The following ZNF469 variants were observed in gnomAD, a reference collection of about 807,000 sequenced individuals.
The protein encoded by ZNF469 is zinc finger protein 469.
In ZNF469, 1 loss-of-function variant was observed where a neutral mutation model predicts 1.0. The ratio of observed to expected loss-of-function variants is 1.00; its 90% CI spans 0.35 to 4.73. The LOEUF (loss-of-function observed/expected upper bound fraction) is 4.73. ZNF469 is among the 30% of genes most tolerant of loss of function. The pLI is 0.16. For missense variants in ZNF469, 6,100 were observed against 5,356.3 expected, an observed-to-expected ratio of 1.14 and a Z score of -4.33; for synonymous variants, 2,703 against 2,363.4, an observed-to-expected ratio of 1.14 and a Z score of -4.17.
the ZNF469 span, among the ~76,000 whole-genome samples, chr16:88,261,090 C>T: frequency 6.6e-6 from 1 of 152,078 alleles, no homozygotes; most frequent in Non-Finnish European, 1.5e-5. This position sits in a 1 kb window ranked among gnomAD's most constrained non-coding sequence, Gnocchi z 6.0. Flanking sequence ...GGGATGCGGT[C>T]CGGAGAGGCT....
At chr16:88,373,134 G>GTGTCAACC in the ZNF469 span, among the ~76,000 whole-genome samples, 1 of 152,322 alleles carries the variant, frequency 6.6e-6, no homozygotes, top group South Asian at 2.1e-4. Context: ...AATGTTTGAG[G>GTGTCAACC]TGTCAACCTC....
the ZNF469 span, among the ~76,000 whole-genome samples, chr16:88,234,475 G>A: frequency 1.3e-5 from 2 of 152,224 alleles, no homozygotes; most frequent in Non-Finnish European, 2.9e-5. Flanking sequence ...ACCAGAGCCG[G>A]AGCTGGGCTA....
At position 88,433,875 on chromosome 16, in the gene ZNF469, A is replaced by G; in HGVS notation, c.6405A>G (p.Pro2135=). ...TTGGGCCCCTGCCCCGTGAAGACCC[A>G]CTTACCTCGCCTTCCAGGGCCCAAG... ...CSLGPLPRED[P]LTSPSRAQGG... The change falls in exon 3 of 3, where the codon CCA becomes CCG. Residue 2135 remains proline, a synonymous_variant. Transcript: ENST00000565624. 2 of 1,548,658 alleles carry G rather than the reference A, an allele frequency of 1.3e-6. No homozygotes were observed. The highest frequency in any genetic ancestry group is 8.7e-7 in the Non-Finnish European group (1 of 1,145,878).
At chr16:88,259,052 A>G in the ZNF469 span, among the ~76,000 whole-genome samples, 3 of 152,258 alleles carry the variant, frequency 2.0e-5, no homozygotes, top group Non-Finnish European at 4.4e-5. The surrounding 1 kb of genome is among the most constrained non-coding windows in gnomAD (Gnocchi z 4.1). Flanking sequence ...GACCCAGCTT[A>G]GCTCAACCCT....
the ZNF469 span, among the ~76,000 whole-genome samples, chr16:88,141,095 C>A: frequency 6.6e-6 from 1 of 152,184 alleles, no homozygotes. Flanking sequence ...AAAGTTAGAA[C>A]CCCACCTTAC....
chr16:88,308,421 ATC>A, the ZNF469 span, among the ~76,000 whole-genome samples: 1 of 152,330 alleles, frequency 6.6e-6, no homozygotes, highest in Non-Finnish European at 1.5e-5. Flanking sequence ...TTTTAAAATC[ATC>A]TGATTCTTTG....
At position 88,431,870 on chromosome 16, in the gene ZNF469, C is replaced by A. The variant is rs1347569276; in HGVS notation, c.4400C>A (p.Pro1467His). 1 of 1,549,936 alleles carries A rather than the reference C, an allele frequency of 6.5e-7. No individual in the cohort carries two copies. The highest frequency in any genetic ancestry group is 1.4e-5 in the African/African-American group (1 of 73,030). ...CTGCCGGTGGACAGATTCGACCCAC[C>A]CCTCTATGGCAGCCTGTCTGCGAAC... The part of the protein sequence containing the change: ...PDLPVDRFDP[P>H]LYGSLSANRD... Residue 1467 changes from proline (P) to histidine (H), a missense_variant, in exon 3 of 3, where the codon CCC becomes CAC. Coordinates refer to ENST00000565624, the MANE Select transcript of ZNF469 (RefSeq NM_001367624.2).
At chr16:88,405,508 C>G (rs1452602711) in intron 1 of ZNF469, among the ~76,000 whole-genome samples, 2 of 152,180 alleles carry the variant, frequency 1.3e-5, no homozygotes, top group African/African-American at 4.8e-5. Flanking sequence ...GGCGTCCTCC[C>G]CCAGCAACTG....
At chr16:88,267,706 C>A in the ZNF469 span, among the ~76,000 whole-genome samples, 1 of 150,114 alleles carries the variant, frequency 6.7e-6, no homozygotes, top group African/African-American at 2.5e-5. Context: ...GAGGGTGCAC[C>A]TGTTGGGGGA....
chr16:88,101,190 C>G, the ZNF469 span, among the ~76,000 whole-genome samples: 2 of 152,246 alleles, frequency 1.3e-5, no homozygotes, highest in Non-Finnish European at 2.9e-5. Context: ...GTGACGATCG[C>G]GATGCCTTCA....
the ZNF469 span, among the ~76,000 whole-genome samples, chr16:88,208,766 TGCGCGTGC>T: frequency 5.8e-4 from 42 of 72,346 alleles, no homozygotes; most frequent in African/African-American, 8.3e-4. Context: ...CCATAGTAAA[TGCGCGTGC>T]GCGCGCACAC....
chr16:88,215,595 G>T, the ZNF469 span, among the ~76,000 whole-genome samples: 1 of 151,620 alleles, frequency 6.6e-6, no homozygotes, highest in Non-Finnish European at 1.5e-5. Flanking sequence ...TCACCATGCT[G>T]GCCAGTCTGG....
intron 1 of ZNF469, among the ~76,000 whole-genome samples, chr16:88,387,651 G>A (rs1214987486): frequency 6.6e-6 from 1 of 152,160 alleles, no homozygotes; most frequent in Non-Finnish European, 1.5e-5. Context: ...AGCTGGCCTT[G>A]GGGAGGAGAA....
chr16:88,382,204 CG>C (rs973268290), upstream of ZNF469, among the ~76,000 whole-genome samples: 4 of 152,216 alleles, frequency 2.6e-5, no homozygotes, highest in Non-Finnish European at 5.9e-5. Context: ...CTGGGACAGC[CG>C]GGGACGGGCA....
the ZNF469 span, among the ~76,000 whole-genome samples, chr16:88,193,141 A>G: frequency 8.5e-4 from 12 of 14,128 alleles, no homozygotes; most frequent in Non-Finnish European, 1.1e-3. Flanking sequence ...GATGGTGGTG[A>G]TGGTGGTGGG....
chr16:88,141,509 T>C, the ZNF469 span, among the ~76,000 whole-genome samples: 9 of 140,774 alleles, frequency 6.4e-5, 3 homozygotes, highest in Non-Finnish European at 1.4e-4. Flanking sequence ...GGCACCCCCG[T>C]CCTGGTCCCC....
In ZNF469 at chr16:88,431,061, G is replaced by A; in HGVS notation, c.3591G>A (p.Val1197=). ...CCAAGTGTGCTGATCGCCCCTCAGT[G>A]GCCCCCAAGGATCCCCTGCAGGTCC... The part of the protein sequence containing the change: ...GGPKCADRPS[V]APKDPLQVPT... Residue 1197 remains valine, a synonymous_variant, in exon 3 of 3, where the codon GTG becomes GTA. Transcript: ENST00000565624. The A allele has an allele frequency of 1.3e-6, 2 of 1,549,144 alleles. No individual in the cohort carries two copies. The highest frequency in any genetic ancestry group is 1.7e-6 in the Non-Finnish European group (2 of 1,146,820).
the ZNF469 span, among the ~76,000 whole-genome samples, chr16:88,245,846 T>C: frequency 3.9e-5 from 6 of 152,254 alleles, no homozygotes; most frequent in African/African-American, 1.4e-4. Context: ...AGTCCAGACA[T>C]TGAGCGTGCC....
the ZNF469 span, among the ~76,000 whole-genome samples, chr16:88,151,252 G>T: frequency 1.3e-5 from 2 of 152,208 alleles, no homozygotes; most frequent in Non-Finnish European, 2.9e-5. This position sits in a 1 kb window ranked among gnomAD's most constrained non-coding sequence, Gnocchi z 5.4. Flanking sequence ...TCCAGGCCTC[G>T]ACTGTCAGCC....
Sources: allele counts gnomAD v4.1 joint callset (sites outside exome capture counted in the v4.1 genomes callset), GRCh38; gene constraint gnomAD v4.1.1; non-coding constraint Gnocchi (gnomAD v3.1); transcripts MANE v1.5; gene names NCBI Gene and HGNC (gene_info 2026-07-23, HGNC 2026-07-21).